Variants in NF1 observed in about 807,000 individuals in gnomAD.
NF1 encodes neurofibromin 1.
NF1 carries 122 observed loss-of-function variants against 325.7 expected under a neutral mutation model. The observed-to-expected ratio is 0.37, with a 90% CI of 0.32 to 0.44. The LOEUF is 0.44. Ranked by LOEUF, NF1 falls within the 20% of genes least tolerant of loss-of-function variation. The pLI is 1.00. For synonymous variants in NF1, 1,091 were observed against 1,186.0 expected (o/e 0.92, Z 1.65); for missense variants, 2,140 against 3,415.4 (o/e 0.63, Z 9.31).
chr17:31,173,393 G>A (rs1171091719), intron 5 of NF1, among the ~76,000 whole-genome samples: 1 of 152,046 alleles, frequency 6.6e-6, no homozygotes, highest in Non-Finnish European at 1.5e-5. Context: ...CTGGGCAACA[G>A]AGTGATACTC....
At chr17:31,137,980 G>A (rs547668348) in intron 1 of NF1, 3 of 151,740 alleles carry the variant, frequency 2.0e-5, no homozygotes, top group African/African-American at 7.2e-5. Context: ...AGAATCCTTG[G>A]AATTTTTTTT....
chr17:31,258,250 A>G, intron 31 of NF1, 94 bp from the exon 32 acceptor site: 2 of 1,342,854 alleles, frequency 1.5e-6, no homozygotes, highest in Non-Finnish European at 2.1e-6. Flanking sequence ...ATTGATTCAG[A>G]GTTTTTATGC....
At chr17:31,173,005 G>A (rs1169495325) in intron 5 of NF1, among the ~76,000 whole-genome samples, 1 of 152,108 alleles carries the variant, frequency 6.6e-6, no homozygotes, top group Non-Finnish European at 1.5e-5. Context: ...GTGGAGGCTG[G>A]GCGCAGTGGC....
intron 36 of NF1, among the ~76,000 whole-genome samples, chr17:31,324,171 A>C (rs533290812): frequency 6.6e-6 from 1 of 152,176 alleles, no homozygotes; most frequent in East Asian, 1.9e-4. Context: ...GGTTCAAGCA[A>C]TTCTCCTGCC....
At chr17:31,320,502 G>T in intron 36 of NF1, 1 of 1,367,588 alleles carries the variant, frequency 7.3e-7, no homozygotes, top group South Asian at 1.2e-5. Context: ...GTCATTGGCT[G>T]ACATTTGTAT....
intron 36 of NF1, among the ~76,000 whole-genome samples, chr17:31,284,198 T>C (rs527854121): frequency 6.6e-6 from 1 of 152,236 alleles, no homozygotes; most frequent in South Asian, 2.1e-4. Flanking sequence ...GCCTCCTGGA[T>C]TCAAGCAATT....
intron 1 of NF1, among the ~76,000 whole-genome samples, chr17:31,114,174 G>T (rs952908391): frequency 6.6e-6 from 1 of 152,186 alleles, no homozygotes; most frequent in African/African-American, 2.4e-5. Flanking sequence ...TCTGTAACTG[G>T]TTGAGAGATT....
chr17:31,202,280 C>G (rs1461141405), intron 11 of NF1, among the ~76,000 whole-genome samples: 1 of 152,168 alleles, frequency 6.6e-6, no homozygotes, highest in East Asian at 1.9e-4. Flanking sequence ...TTGGTTGATG[C>G]TTTCCTTCCT....
rs747330799 is a variant in NF1, at chr17:31,232,826, T to C, written c.3441T>C (p.Leu1147=). Reference sequence around the variant, plus strand: ...CATCACTGAGGCACTGTACGGTCCTTGCAATGTCAAACTTACTCAATGCCA... The same window carrying C: ...CATCACTGAGGCACTGTACGGTCCTCGCAATGTCAAACTTACTCAATGCCA... ...RLASLRHCTV[L]AMSNLLNANV... The change falls in exon 26 of 58, where the codon CTT becomes CTC. Residue 1147 remains leucine, a synonymous_variant. Coordinates refer to ENST00000358273, the MANE Select transcript of NF1 (RefSeq NM_001042492.3). 1.9e-6 allele frequency: 3 copies of C among 1,613,994 alleles called. No individual in the cohort carries two copies. The African/African-American group carries it at 4.0e-5, about 22-fold the overall frequency.
intron 11 of NF1, among the ~76,000 whole-genome samples, chr17:31,205,467 C>T (rs17880265): frequency 0.015 from 2,227 of 152,066 alleles, 55 homozygotes; most frequent in African/African-American, 0.049. Flanking sequence ...GTGATTTTCA[C>T]AATTGTCATT....
At chr17:31,249,869 AGTGGGT>A in intron 30 of NF1, 1 of 450,868 alleles carries the variant, frequency 2.2e-6, no homozygotes, top group African/African-American at 2.0e-5. Context: ...AAGAAACATT[AGTGGGT>A]CTGGAATTTG....
In NF1 at chr17:31,374,079, A is replaced by G; in HGVS notation, c.8444A>G (p.His2815Arg). ...CACTGTAACAGTGGACGAACTCGCC[A>G]CGGATCCGCAAGCCAAGTGCAGAAG... is the stretch of plus-strand genomic sequence containing the variant. The part of the protein sequence containing the change: ...TGHCNSGRTR[H>R]GSASQVQKQR... The change falls in exon 58 of 58, where the codon CAC becomes CGC. Residue 2815 changes from histidine to arginine, a missense_variant. His to Arg is a conservative substitution (Grantham distance 29, BLOSUM62 0). Coordinates refer to ENST00000358273, the MANE Select transcript of NF1 (RefSeq NM_001042492.3). 6.2e-7 allele frequency: 1 copy of G among 1,614,042 alleles called. No homozygotes were observed. The highest frequency in any genetic ancestry group is 8.5e-7 in the Non-Finnish European group (1 of 1,179,938).
chr17:31,123,270 T>C (rs1445233859), intron 1 of NF1, among the ~76,000 whole-genome samples: 1 of 152,208 alleles, frequency 6.6e-6, no homozygotes, highest in Non-Finnish European at 1.5e-5. Context: ...AAACATCAAA[T>C]AATTTAATTG....
intron 8 of NF1, among the ~76,000 whole-genome samples, chr17:31,192,798 T>C (rs1357234385): frequency 6.6e-6 from 1 of 152,188 alleles, no homozygotes; most frequent in Non-Finnish European, 1.5e-5. Context: ...CAGAGTCAGA[T>C]TGAAAAGTAA....
chr17:31,161,459 T>TA (rs2065759498), intron 3 of NF1, among the ~76,000 whole-genome samples: 1 of 152,256 alleles, frequency 6.6e-6, no homozygotes, highest in Admixed American at 6.5e-5. Flanking sequence ...TCAGTGTTAT[T>TA]AAAATTCTTA....
chr17:31,195,112 T>G (rs2066411179), intron 8 of NF1, among the ~76,000 whole-genome samples: 1 of 152,130 alleles, frequency 6.6e-6, no homozygotes, highest in South Asian at 2.1e-4. Flanking sequence ...TGACTTTTGC[T>G]TATCATTAGT....
chr17:31,257,714 G>T (rs1449566169), intron 31 of NF1: 1 of 151,844 alleles, frequency 6.6e-6, no homozygotes, highest in African/African-American at 2.4e-5. Flanking sequence ...TCCCTCCATG[G>T]TTTAAATAAT....
At chr17:31,191,978 C>T (rs892805278) in intron 8 of NF1, among the ~76,000 whole-genome samples, 2 of 152,072 alleles carry the variant, frequency 1.3e-5, no homozygotes, top group Admixed American at 6.6e-5. Flanking sequence ...CTTATGAATT[C>T]GCGGAACTTT....
chr17:31,243,178 C>CTGTGTGTGTGTGTGTGTGTG (rs2067330326), intron 29 of NF1, among the ~76,000 whole-genome samples: 1 of 75,270 alleles, frequency 1.3e-5, no homozygotes, highest in Non-Finnish European at 2.4e-5. Flanking sequence ...CAGTCTCTCT[C>CTGTGTGTGTGTGTGTGTGTG]TCTGTCTGTG....
Sources: gnomAD v4.1 joint callset for allele counts (sites outside exome capture counted in the v4.1 genomes callset) on GRCh38, gnomAD v4.1.1 for gene constraint, MANE v1.5 for transcripts, NCBI Gene and HGNC (gene_info 2026-07-23, HGNC 2026-07-21) for gene names.